DSCAM: variants seen among roughly 807,000 people sequenced by gnomAD.
The protein encoded by DSCAM is cell adhesion molecule DSCAM.
Under a neutral mutation model 217.7 loss-of-function variants are expected in DSCAM, and 47 were observed. That is an observed-to-expected ratio of 0.22 (90% CI 0.17 to 0.28). The LOEUF is 0.28. Ranked by LOEUF, DSCAM falls within the 10% of genes least tolerant of loss-of-function variation. DSCAM has a pLI of 1.00. For synonymous variants in DSCAM, 1,056 were observed against 1,015.3 expected, an observed-to-expected ratio of 1.04 and a Z score of -0.76; for missense variants, 2,080 against 2,618.3, an observed-to-expected ratio of 0.79 and a Z score of 4.49.
intron 3 of DSCAM, among the ~76,000 whole-genome samples, chr21:40,414,578 G>A (rs564801957): frequency 6.6e-6 from 1 of 152,260 alleles, no homozygotes; most frequent in East Asian, 1.9e-4. Context: ...ATATTGCTTA[G>A]TCCCTATTTT....
At chr21:40,208,951 A>G (rs141718626) in intron 11 of DSCAM, among the ~76,000 whole-genome samples, 93 of 152,316 alleles carry the variant, frequency 6.1e-4, no homozygotes, top group Non-Finnish European at 1.2e-3. Flanking sequence ...CCCCTCAAAG[A>G]TGAGGTCTGA....
chr21:40,805,573 A>G (rs560363357), intron 1 of DSCAM, among the ~76,000 whole-genome samples: 2 of 152,098 alleles, frequency 1.3e-5, no homozygotes, highest in East Asian at 3.9e-4. Flanking sequence ...TTACGCCATG[A>G]CCCCTTGACC....
chr21:40,262,521 A>G (rs1259303352), intron 11 of DSCAM, among the ~76,000 whole-genome samples: 1 of 152,190 alleles, frequency 6.6e-6, no homozygotes, highest in African/African-American at 2.4e-5. Context: ...ATACCCAATC[A>G]TAGAATTACT....
chr21:40,349,290 C>T (rs2074603471), intron 5 of DSCAM, among the ~76,000 whole-genome samples: 2 of 151,356 alleles, frequency 1.3e-5, no homozygotes, highest in Non-Finnish European at 2.9e-5. Context: ...TGTGGTTTAC[C>T]CAGGGCCAAT....
chr21:40,036,915 C>G (rs1046944209), intron 32 of DSCAM, among the ~76,000 whole-genome samples: 2 of 150,556 alleles, frequency 1.3e-5, no homozygotes, highest in Admixed American at 1.3e-4. Context: ...AAGACAAAAA[C>G]CACATGATTA....
At chr21:40,673,807 C>A (rs77203689) in intron 3 of DSCAM, among the ~76,000 whole-genome samples, 8,747 of 152,156 alleles carry the variant, frequency 0.057, 701 homozygotes, top group African/African-American at 0.18. Flanking sequence ...CTCTGACTTC[C>A]ACCATGAGTA....
At chr21:40,277,110 T>A (rs1204755948) in intron 10 of DSCAM, among the ~76,000 whole-genome samples, 1 of 152,104 alleles carries the variant, frequency 6.6e-6, no homozygotes, top group Admixed American at 6.5e-5. Context: ...GAGAATGGGA[T>A]TCAGGCCTTG....
intron 28 of DSCAM, among the ~76,000 whole-genome samples, chr21:40,056,887 C>T (rs207477873): frequency 2.0e-5 from 3 of 152,200 alleles, no homozygotes; most frequent in African/African-American, 7.2e-5. Flanking sequence ...ATGCTTTCCC[C>T]TCTAACCGAG....
intron 1 of DSCAM, among the ~76,000 whole-genome samples, chr21:40,826,558 CA>C (rs2091970646): frequency 6.6e-6 from 1 of 152,054 alleles, no homozygotes; most frequent in Non-Finnish European, 1.5e-5. Flanking sequence ...ATAGTCCAGG[CA>C]AAAAGGAGAA....
chr21:40,484,746 C>T (rs925498382), intron 3 of DSCAM, among the ~76,000 whole-genome samples: 5 of 152,158 alleles, frequency 3.3e-5, no homozygotes, highest in Non-Finnish European at 7.3e-5. Flanking sequence ...CAAAGTGCTG[C>T]TGACATAAGT....
intron 3 of DSCAM, among the ~76,000 whole-genome samples, chr21:40,412,184 C>T (rs2075329554): frequency 6.6e-6 from 1 of 152,120 alleles, no homozygotes; most frequent in African/African-American, 2.4e-5. Flanking sequence ...TTGTAAATTG[C>T]CCAGTCTTGG....
intron 3 of DSCAM, among the ~76,000 whole-genome samples, chr21:40,394,784 C>A (rs530581511): frequency 1.3e-5 from 2 of 152,242 alleles, no homozygotes; most frequent in South Asian, 4.1e-4. Context: ...ATTTTCAACA[C>A]TGAGAACTGT....
At chr21:40,706,470 T>C (rs2090719073) in intron 2 of DSCAM, among the ~76,000 whole-genome samples, 1 of 152,180 alleles carries the variant, frequency 6.6e-6, no homozygotes, top group African/African-American at 2.4e-5. Context: ...TCAAAATTTC[T>C]GAAATTTAAG....
rs562143541 is a variant in DSCAM at position 40,377,431 on chromosome 21, T to G, written c.509-8186A>C. 2.6e-5 allele frequency among the ~76,000 whole-genome samples: 4 copies of G among 152,106 alleles called. No individual in the cohort carries two copies. The South Asian group carries it at 8.3e-4, about 32-fold the overall frequency. On this transcript the variant is annotated intron_variant, in intron 3 of 32. Transcript: ENST00000400454. Reference sequence around the variant, plus strand: ...AGAAGCCATGAGCACAGAAAGAAATTTAACCTAAAGGTTCAACAGAGCTGG... The same window carrying G: ...AGAAGCCATGAGCACAGAAAGAAATGTAACCTAAAGGTTCAACAGAGCTGG...
intron 3 of DSCAM, among the ~76,000 whole-genome samples, chr21:40,379,462 A>G (rs1035967110): frequency 1.3e-5 from 2 of 152,196 alleles, no homozygotes; most frequent in East Asian, 1.9e-4. Context: ...CGCTACCTGG[A>G]CTTGCCTAAA....
chr21:40,241,842 T>C (rs115244545), intron 11 of DSCAM, among the ~76,000 whole-genome samples: 2,575 of 152,332 alleles, frequency 0.017, 80 homozygotes, highest in African/African-American at 0.059. Context: ...TCACGTCTTT[T>C]GTAGGGACAT....
intron 19 of DSCAM, among the ~76,000 whole-genome samples, chr21:40,129,674 G>A (rs2090135196): frequency 6.6e-6 from 1 of 152,192 alleles, no homozygotes; most frequent in Non-Finnish European, 1.5e-5. Flanking sequence ...CACTACCATA[G>A]GCTATAGAGC....
intron 3 of DSCAM, among the ~76,000 whole-genome samples, chr21:40,411,722 A>G (rs966978394): frequency 1.3e-5 from 2 of 152,224 alleles, no homozygotes; most frequent in Admixed American, 1.3e-4. Context: ...CATTACCAAT[A>G]TAAGTAATGA....
At chr21:40,639,180 G>A (rs9985033) in intron 3 of DSCAM, among the ~76,000 whole-genome samples, 29,584 of 151,620 alleles carry the variant, frequency 0.2, 3,489 homozygotes, top group South Asian at 0.25. Context: ...AAATCCACCC[G>A]TCGCTGGGAT....
Sources: gnomAD v4.1 joint callset for allele counts (sites outside exome capture counted in the v4.1 genomes callset) on GRCh38, gnomAD v4.1.1 for gene constraint, MANE v1.5 for transcripts, NCBI Gene and HGNC (gene_info 2026-07-23, HGNC 2026-07-21) for gene names.